Variants in MOBP observed in about 807,000 individuals in gnomAD.
The protein encoded by MOBP is myelin-associated oligodendrocyte basic protein.
Under a neutral mutation model 15.0 loss-of-function variants are expected in MOBP, and 5 were observed. The observed-to-expected ratio is 0.33, with a 90% CI of 0.17 to 0.70. The LOEUF is 0.70. MOBP is among the 30% of genes least tolerant of loss of function. The pLI, the probability that MOBP is intolerant of heterozygous loss-of-function variation, is 0.67. For synonymous variants in MOBP, 88 were observed against 99.0 expected (o/e 0.89, Z 0.66); for missense variants, 188 against 257.8 (o/e 0.73, Z 1.85).
exon 5 of MOBP, chr3:39,524,855 A>T (rs1298875925): frequency 6.6e-6 from 1 of 152,214 alleles, no homozygotes; most frequent in Non-Finnish European, 1.5e-5. Context: ...ATAAATAAAA[A>T]TATTAAATAG....
intron 4 of MOBP, among the ~76,000 whole-genome samples, chr3:39,510,481 C>CT (rs1559427205): frequency 6.6e-6 from 1 of 151,890 alleles, no homozygotes; most frequent in Admixed American, 6.6e-5. Context: ...TTATTTAGGT[C>CT]TTTTTTTGTT....
chr3:39,521,472 C>A (rs1234796132), intron 3 of MOBP, among the ~76,000 whole-genome samples: 2 of 152,140 alleles, frequency 1.3e-5, no homozygotes, highest in Non-Finnish European at 2.9e-5. Context: ...AAGGGACTAA[C>A]CAACTTTTGC....
downstream of MOBP, among the ~76,000 whole-genome samples, chr3:39,506,704 T>A (rs942374129): frequency 1.3e-5 from 2 of 152,172 alleles, no homozygotes; most frequent in African/African-American, 2.4e-5. Context: ...CAAAGTGGAC[T>A]GCAGCAGCAA....
At chr3:39,469,054 G>GTA (rs201108457) in intron 1 of MOBP, among the ~76,000 whole-genome samples, 2,968 of 42,900 alleles carry the variant, frequency 0.069, 1,104 homozygotes, top group Non-Finnish European at 0.083. Flanking sequence ...ATATGTGTGT[G>GTA]TATATACATA....
intron 2 of MOBP, among the ~76,000 whole-genome samples, chr3:39,482,695 C>A (rs2125633913): frequency 6.7e-6 from 1 of 148,690 alleles, no homozygotes; most frequent in South Asian, 2.1e-4. Flanking sequence ...TGACATATTT[C>A]TACTTTAATA....
chr3:39,499,703 C>A (rs1473864), intron 2 of MOBP, among the ~76,000 whole-genome samples: 53,607 of 151,828 alleles, frequency 0.35, 12,705 homozygotes, highest in African/African-American at 0.68. Context: ...TCATCTACTT[C>A]GACCTCTGAT....
chr3:39,503,658 T>TTTTATTTA (rs33931389), downstream of MOBP, among the ~76,000 whole-genome samples: 2 of 147,890 alleles, frequency 1.4e-5, no homozygotes, highest in African/African-American at 5.0e-5. Flanking sequence ...CTGGCCAATT[T>TTTTATTTA]TTTATTTATT....
intron 2 of MOBP, among the ~76,000 whole-genome samples, chr3:39,494,792 G>A (rs11284739): frequency 8.5e-4 from 39 of 46,152 alleles, no homozygotes; most frequent in Middle Eastern, 0.017. Context: ...GCCCCCCCCC[G>A]CCCCCCGAGT....
At chr3:39,496,020 A>C (rs2042875689) in intron 2 of MOBP, among the ~76,000 whole-genome samples, 1 of 151,968 alleles carries the variant, frequency 6.6e-6, no homozygotes, top group African/African-American at 2.4e-5. Flanking sequence ...ATGAACTTGA[A>C]AAGTGAATGA....
At chr3:39,509,023 T>TA (rs1252438318) in intron 4 of MOBP, among the ~76,000 whole-genome samples, 1 of 152,134 alleles carries the variant, frequency 6.6e-6, no homozygotes, top group African/African-American at 2.4e-5. Flanking sequence ...TCTCTCTATA[T>TA]ATGTGTATGT....
At chr3:39,514,782 T>A (rs929267017) in exon 5 of MOBP, 3 of 152,248 alleles carry the variant, frequency 2.0e-5, no homozygotes, top group Admixed American at 6.5e-5. Context: ...CCAAAACTCT[T>A]ATGGAGGACT....
chr3:39,520,520 T>C (rs1238326741), downstream of MOBP, among the ~76,000 whole-genome samples: 1 of 149,026 alleles, frequency 6.7e-6, no homozygotes, highest in Non-Finnish European at 1.5e-5. Context: ...GGTACCAAAG[T>C]ACCAAATGTG....
chr3:39,470,040 T>A (rs1417503354), intron 1 of MOBP, among the ~76,000 whole-genome samples: 1 of 152,176 alleles, frequency 6.6e-6, no homozygotes, highest in East Asian at 1.9e-4. Flanking sequence ...ATAAATATAA[T>A]AATTCCTTTC....
intron 2 of MOBP, 126 bp from the exon 3 acceptor site, chr3:39,501,940 C>T: frequency 1.4e-6 from 1 of 736,414 alleles, no homozygotes; most frequent in Non-Finnish European, 2.3e-6. Flanking sequence ...CAGGGTGTTG[C>T]TCTGTAGGGC....
At chr3:39,519,048 T>TG (rs1413333001), downstream of MOBP, among the ~76,000 whole-genome samples, 3 of 152,210 alleles carry the variant, frequency 2.0e-5, no homozygotes, top group African/African-American at 7.2e-5. Flanking sequence ...CATCAATCTT[T>TG]GGGTTTGCTA....
chr3:39,506,068 T>G (rs995167815), downstream of MOBP, among the ~76,000 whole-genome samples: 1 of 151,798 alleles, frequency 6.6e-6, no homozygotes, highest in Admixed American at 6.6e-5. Flanking sequence ...CACCCCTCCC[T>G]GTGATCTTCC....
At chr3:39,513,611 G>A (rs1463226400) in exon 5 of MOBP, 6 of 625,340 alleles carry the variant, frequency 9.6e-6, no homozygotes, top group Non-Finnish European at 1.4e-5. Flanking sequence ...CTGGAGGTGA[G>A]CAGGGCTATC....
chr3:39,499,146 C>T (rs2042932300), intron 2 of MOBP, among the ~76,000 whole-genome samples: 1 of 152,118 alleles, frequency 6.6e-6, no homozygotes, highest in Non-Finnish European at 1.5e-5. Context: ...TCTCCATGTG[C>T]TGGGCACCTG....
intron 1 of MOBP, among the ~76,000 whole-genome samples, chr3:39,471,332 T>C (rs913654193): frequency 2.0e-5 from 3 of 152,086 alleles, no homozygotes; most frequent in Non-Finnish European, 4.4e-5. Context: ...GGTTTCACCA[T>C]GTTAGCCAGG....
Sources: allele counts gnomAD v4.1 joint callset (sites outside exome capture counted in the v4.1 genomes callset), GRCh38; gene constraint gnomAD v4.1.1; transcripts MANE v1.5; gene names NCBI Gene and HGNC (gene_info 2026-07-23, HGNC 2026-07-21).